GRID1: variants seen among roughly 807,000 people sequenced by gnomAD.
The protein encoded by GRID1 is glutamate ionotropic receptor delta type subunit 1.
A neutral mutation model predicts 98.0 loss-of-function variants in GRID1; 28 were observed. The observed-to-expected ratio is 0.29, with a 90% CI of 0.21 to 0.39. GRID1 has a LOEUF of 0.39. Ranked by LOEUF, GRID1 falls within the 10% of genes least tolerant of loss-of-function variation. The pLI, the probability that GRID1 is intolerant of heterozygous loss-of-function variation, is 1.00. For synonymous variants in GRID1, 553 were observed against 538.5 expected (o/e 1.03, Z -0.37); for missense variants, 1,111 against 1,340.5 (o/e 0.83, Z 2.67).
intron 4 of GRID1, among the ~76,000 whole-genome samples, chr10:85,949,378 T>C (rs187778359): frequency 2.0e-5 from 3 of 152,318 alleles, no homozygotes; most frequent in African/African-American, 7.2e-5. Flanking sequence ...ATAAATCAGA[T>C]TGTACATAAT....
At chr10:85,971,702 T>C (rs967990248) in intron 4 of GRID1, among the ~76,000 whole-genome samples, 2 of 152,078 alleles carry the variant, frequency 1.3e-5, no homozygotes, top group Non-Finnish European at 2.9e-5. Context: ...CTAAGTGTTG[T>C]TGAGAATGTA....
intron 6 of GRID1, among the ~76,000 whole-genome samples, chr10:85,859,607 ACCT>A (rs1299254667): frequency 1.3e-5 from 2 of 151,422 alleles, no homozygotes; most frequent in African/African-American, 4.9e-5. Context: ...CTTGTCTAAA[ACCT>A]CCTCAAAACA....
At chr10:86,355,758 G>T (rs961701623) in intron 2 of GRID1, among the ~76,000 whole-genome samples, 3 of 152,242 alleles carry the variant, frequency 2.0e-5, no homozygotes, top group Non-Finnish European at 4.4e-5. Context: ...GTCTTCCTGG[G>T]CCCAGTGCCT....
intron 2 of GRID1, among the ~76,000 whole-genome samples, chr10:86,248,838 G>A (rs556516655): frequency 6.6e-6 from 1 of 152,158 alleles, no homozygotes; most frequent in African/African-American, 2.4e-5. Flanking sequence ...CTCCCAAAGT[G>A]TTAGGAATAC....
At chr10:85,826,991 T>A (rs1244300252) in intron 8 of GRID1, among the ~76,000 whole-genome samples, 2 of 152,092 alleles carry the variant, frequency 1.3e-5, no homozygotes, top group Non-Finnish European at 2.9e-5. Flanking sequence ...AAGGACAACT[T>A]CAAAGATTGA....
intron 2 of GRID1, among the ~76,000 whole-genome samples, chr10:86,227,291 C>G (rs1362145131): frequency 6.6e-6 from 1 of 152,198 alleles, no homozygotes; most frequent in Non-Finnish European, 1.5e-5. Flanking sequence ...TATGGTGGGT[C>G]ATAGGCACTG....
chr10:85,741,580 T>C (rs1385851992), intron 8 of GRID1, among the ~76,000 whole-genome samples: 1 of 152,094 alleles, frequency 6.6e-6, no homozygotes, highest in East Asian at 1.9e-4. Flanking sequence ...CTTGGGACCT[T>C]TATGAGCTGC....
chr10:85,996,475 G>A (rs1232404133), intron 4 of GRID1, among the ~76,000 whole-genome samples: 3 of 152,082 alleles, frequency 2.0e-5, no homozygotes, highest in Admixed American at 1.3e-4. Context: ...GCTCAATGAA[G>A]AACGATGATG....
intron 2 of GRID1, among the ~76,000 whole-genome samples, chr10:86,292,713 G>A (rs975526436): frequency 6.6e-6 from 1 of 152,016 alleles, no homozygotes; most frequent in Non-Finnish European, 1.5e-5. Flanking sequence ...GTGGATGTGG[G>A]TGGGTGGGTG....
At position 85,895,013 on chromosome 10, in the gene GRID1, AAAAAT is replaced by A. The variant is rs1489879985; in HGVS notation, c.780+21168_780+21172del. On this transcript the variant is annotated intron_variant, in intron 5 of 15. Coordinates refer to ENST00000327946, the MANE Select transcript of GRID1 (RefSeq NM_017551.3). ...AAACTGGGACTCTCAAAAAAAAAAA[AAAAAT>A]ATATATATATATATATATATATGTA... 8.7e-3 allele frequency among the ~76,000 whole-genome samples: 1,098 copies of A among 125,832 alleles called. 13 individuals are homozygous for A. The highest frequency in any genetic ancestry group is 0.03 in the African/African-American group (1,034 of 34,638). The allele number at this position is 125,832 out of a possible 152,430, so 82.6% of individuals were successfully genotyped here. A position where few individuals can be genotyped will look rare whatever the true frequency, so the allele number is the denominator to read the frequency against.
At chr10:86,022,613 A>T (rs1215340060) in intron 4 of GRID1, among the ~76,000 whole-genome samples, 1 of 152,044 alleles carries the variant, frequency 6.6e-6, no homozygotes, top group Non-Finnish European at 1.5e-5. Context: ...TGGGGAATGG[A>T]TGGTGTCAAA....
intron 4 of GRID1, among the ~76,000 whole-genome samples, chr10:85,971,346 A>C (rs750204631): frequency 5.9e-5 from 9 of 152,112 alleles, no homozygotes; most frequent in Non-Finnish European, 1.3e-4. Flanking sequence ...TACTTTATTA[A>C]AAAGTAATAA....
intron 8 of GRID1, among the ~76,000 whole-genome samples, chr10:85,816,068 T>C (rs891468001): frequency 1.3e-5 from 2 of 152,070 alleles, no homozygotes; most frequent in South Asian, 4.1e-4. Flanking sequence ...ATGAATTCAT[T>C]GTTGGTGGAA....
chr10:86,299,710 C>T (rs1847653781), intron 2 of GRID1, among the ~76,000 whole-genome samples: 1 of 152,106 alleles, frequency 6.6e-6, no homozygotes, highest in South Asian at 2.1e-4. Flanking sequence ...GCAGAAAATC[C>T]AGGGCTTGTG....
intron 5 of GRID1, among the ~76,000 whole-genome samples, chr10:85,873,220 T>G (rs1429976274): frequency 1.3e-5 from 2 of 152,192 alleles, no homozygotes; most frequent in African/African-American, 4.8e-5. Context: ...CACCCCGACC[T>G]CGGGACCTTC....
intron 4 of GRID1, among the ~76,000 whole-genome samples, chr10:86,086,926 G>T (rs1047643184): frequency 6.6e-6 from 1 of 152,208 alleles, no homozygotes; most frequent in Non-Finnish European, 1.5e-5. Context: ...ATCAGTAAAA[G>T]TTGGCTGAAC....
chr10:85,959,724 T>G (rs1396227958), intron 4 of GRID1, among the ~76,000 whole-genome samples: 6 of 152,236 alleles, frequency 3.9e-5, no homozygotes, highest in African/African-American at 1.4e-4. Flanking sequence ...TTTCTTTAAT[T>G]ACTGTCTAAT....
At chr10:86,114,020 T>G (rs7069258) in intron 4 of GRID1, among the ~76,000 whole-genome samples, 5,161 of 152,044 alleles carry the variant, frequency 0.034, 325 homozygotes, top group African/African-American at 0.12. Flanking sequence ...AGTGGAGAGA[T>G]GAGCATCCTT....
At position 86,139,003 on chromosome 10, in the gene GRID1, A is replaced by T; in HGVS notation, c.542T>A (p.Phe181Tyr). Reference sequence around the variant, plus strand: ...GCCCAGCCGCGAGGCCTGGTCCAGAAAGCTTTGAAGCCCACGGATATCTGA... The same window carrying T: ...GCCCAGCCGCGAGGCCTGGTCCAGATAGCTTTGAAGCCCACGGATATCTGA... The part of the protein sequence containing the change: ...SEYDIRGLQS[F>Y]LDQASRLGLD... The change falls in exon 4 of 16, where the codon TTT becomes TAT. Residue 181 changes from phenylalanine (F) to tyrosine (Y), a missense_variant. By Grantham distance (22) the Phe-to-Tyr change is conservative (BLOSUM62 3). Coordinates refer to ENST00000327946, the MANE Select transcript of GRID1 (RefSeq NM_017551.3). 6.2e-7 allele frequency: 1 copy of T among 1,613,684 alleles called. No homozygotes were observed. The highest frequency in any genetic ancestry group is 8.5e-7 in the Non-Finnish European group (1 of 1,179,550).
Sources: gnomAD v4.1 joint callset for allele counts (sites outside exome capture counted in the v4.1 genomes callset) on GRCh38, gnomAD v4.1.1 for gene constraint, MANE v1.5 for transcripts, NCBI Gene and HGNC (gene_info 2026-07-23, HGNC 2026-07-21) for gene names.